BBS9: variants seen among roughly 807,000 people sequenced by gnomAD.
The protein encoded by BBS9 is Bardet-Biedl syndrome 9.
In BBS9, 89 loss-of-function variants were observed where a neutral mutation model predicts 117.7. The ratio of observed to expected loss-of-function variants is 0.76; its 90% CI spans 0.64 to 0.90. The LOEUF (loss-of-function observed/expected upper bound fraction) is 0.90. BBS9 is among the 40% of genes least tolerant of loss of function. BBS9 has a pLI of 0.00. For synonymous variants in BBS9, 379 were observed against 370.9 expected (o/e 1.02, Z -0.25); for missense variants, 982 against 1,042.2 (o/e 0.94, Z 0.80).
chr7:33,508,706 G>A (rs1386656435), intron 20 of BBS9, among the ~76,000 whole-genome samples: 1 of 152,208 alleles, frequency 6.6e-6, no homozygotes, highest in Non-Finnish European at 1.5e-5. Flanking sequence ...CATTAAGCCA[G>A]GCAGGGCTGG....
intron 19 of BBS9, among the ~76,000 whole-genome samples, chr7:33,412,492 T>A (rs1221432282): frequency 6.6e-6 from 1 of 152,226 alleles, no homozygotes; most frequent in Non-Finnish European, 1.5e-5. Context: ...ATTTTGCTAA[T>A]GAGATATGCA....
chr7:33,366,785 CT>C (rs1462635458), intron 16 of BBS9, among the ~76,000 whole-genome samples: 10 of 152,088 alleles, frequency 6.6e-5, no homozygotes, highest in African/African-American at 2.4e-4. Flanking sequence ...ACCTCATGAT[CT>C]GCCCACCTCG....
chr7:33,275,264 G>A (rs951893369), intron 9 of BBS9, among the ~76,000 whole-genome samples: 3 of 152,134 alleles, frequency 2.0e-5, no homozygotes, highest in Admixed American at 6.5e-5. Context: ...TAATTGCTAT[G>A]CACTTAACAC....
intron 21 of BBS9, among the ~76,000 whole-genome samples, chr7:33,574,725 A>ATG (rs1554544072): frequency 2.1e-4 from 27 of 125,908 alleles, no homozygotes; most frequent in East Asian, 1.8e-3. Flanking sequence ...ACACACACAC[A>ATG]CGCGCACACA....
chr7:33,475,901 A>C (rs1584957130), intron 19 of BBS9, among the ~76,000 whole-genome samples: 1 of 152,318 alleles, frequency 6.6e-6, no homozygotes, highest in Middle Eastern at 3.4e-3. Flanking sequence ...AGAAAATGGA[A>C]CAAGAATACC....
intron 6 of BBS9, among the ~76,000 whole-genome samples, chr7:33,262,938 T>C (rs938714998): frequency 6.6e-6 from 1 of 151,198 alleles, no homozygotes; most frequent in South Asian, 2.1e-4. Context: ...TAGCACAGGA[T>C]ACTCTGAGTT....
chr7:33,159,690 A>G (rs1794572194), intron 4 of BBS9, among the ~76,000 whole-genome samples: 1 of 152,206 alleles, frequency 6.6e-6, no homozygotes, highest in African/African-American at 2.4e-5. Flanking sequence ...GATGTCATTC[A>G]TAGGTTACAG....
chr7:33,481,142 T>A (rs1842467571), intron 19 of BBS9, among the ~76,000 whole-genome samples: 1 of 152,204 alleles, frequency 6.6e-6, no homozygotes, highest in Non-Finnish European at 1.5e-5. Context: ...AACTTGTATT[T>A]AACCTTGAAG....
chr7:33,177,873 G>A, intron 5 of BBS9: 1 of 328,034 alleles, frequency 3.0e-6, no homozygotes. Context: ...TTTAAACATT[G>A]GAAGTCTTTG....
chr7:33,237,914 CA>C (rs1793796371), intron 5 of BBS9, among the ~76,000 whole-genome samples: 1 of 152,114 alleles, frequency 6.6e-6, no homozygotes, highest in Non-Finnish European at 1.5e-5. Context: ...GAAATTGTGT[CA>C]ACTGCTTTCT....
chr7:33,445,324 T>C (rs11974981), intron 19 of BBS9, among the ~76,000 whole-genome samples: 346 of 152,320 alleles, frequency 2.3e-3, no homozygotes, highest in African/African-American at 8.1e-3. Flanking sequence ...ATTGCATAAG[T>C]TTTGAGTGCT....
intron 9 of BBS9, among the ~76,000 whole-genome samples, chr7:33,281,400 G>A (rs1801879594): frequency 8.2e-6 from 1 of 122,666 alleles, no homozygotes; most frequent in African/African-American, 3.1e-5. Context: ...TTGAGGCAGG[G>A]TCTCACTCTG....
intron 5 of BBS9, among the ~76,000 whole-genome samples, chr7:33,248,903 T>C (rs1795794109): frequency 6.6e-6 from 1 of 152,100 alleles, no homozygotes. Flanking sequence ...AGACCAAATA[T>C]TTTTGACAGC....
rs576957558 is a variant in BBS9, at chr7:33,284,323, T to G, written c.1016+10367T>G. Among the ~76,000 whole-genome samples, 3 of 152,354 alleles carry G rather than the reference T, an allele frequency of 2.0e-5. No homozygotes were observed. In the South Asian group the frequency reaches 6.2e-4, roughly 32 times the overall value. ...TTATTGTAGTACTTTCTGCTGTTTT[T>G]GGTAAGTTTTGCTGTATTATCTTTG... is the stretch of plus-strand genomic sequence containing the variant. On this transcript the variant is annotated intron_variant, in intron 9 of 22. Transcript: ENST00000242067.
At chr7:33,429,565 T>G (rs1460217104) in intron 19 of BBS9, among the ~76,000 whole-genome samples, 1 of 152,176 alleles carries the variant, frequency 6.6e-6, no homozygotes. Context: ...CAGCTAGATC[T>G]TTACTAGGAT....
At chr7:33,524,359 G>T (rs1481389890) in intron 20 of BBS9, among the ~76,000 whole-genome samples, 2 of 152,120 alleles carry the variant, frequency 1.3e-5, no homozygotes, top group Non-Finnish European at 2.9e-5. Context: ...ATAGTATTCG[G>T]CTGTGAATCC....
intron 6 of BBS9, 40 bp from the exon 7 acceptor site, chr7:33,264,250 T>A: frequency 9.4e-7 from 1 of 1,063,300 alleles, no homozygotes; most frequent in Non-Finnish European, 1.3e-6. Context: ...AATTTTTAAT[T>A]ATAAACTCAT....
rs1165228706 is a variant in BBS9, at chr7:33,517,960, T to C, written c.2298+12315T>C. Among the ~76,000 whole-genome samples the C allele has an allele frequency of 5.3e-5, 8 of 152,356 alleles. No homozygotes were observed. In the East Asian group the frequency reaches 1.5e-3, roughly 29 times the overall value. On this transcript the variant is annotated intron_variant, in intron 20 of 22. Transcript: ENST00000242067. ...GCTTAAGCGTATACCAGAAAAATGC[T>C]GGCACATTTAATCAACTCATGGCTT...
chr7:33,168,301 T>C (rs964484765), intron 4 of BBS9, among the ~76,000 whole-genome samples: 1 of 152,192 alleles, frequency 6.6e-6, no homozygotes. Flanking sequence ...ATAATGGTCA[T>C]TCGTTTAGCC....
Sources: gnomAD v4.1 joint callset for allele counts (sites outside exome capture counted in the v4.1 genomes callset) on GRCh38, gnomAD v4.1.1 for gene constraint, MANE v1.5 for transcripts, NCBI Gene and HGNC (gene_info 2026-07-23, HGNC 2026-07-21) for gene names.